Variants in HERC2 observed in about 807,000 individuals in gnomAD.
The protein encoded by HERC2 is HECT and RLD domain containing E3 ubiquitin protein ligase 2.
Under a neutral mutation model 537.7 loss-of-function variants are expected in HERC2, and 102 were observed. The ratio of observed to expected loss-of-function variants is 0.19; its 90% CI spans 0.16 to 0.22. The LOEUF is 0.22. HERC2 is among the 10% of genes least tolerant of loss of function. The pLI, the probability that HERC2 is intolerant of heterozygous loss-of-function variation, is 1.00. For synonymous variants in HERC2, 2,224 were observed against 2,466.2 expected, an observed-to-expected ratio of 0.90 and a Z score of 2.91; for missense variants, 4,236 against 6,198.2, an observed-to-expected ratio of 0.68 and a Z score of 10.63.
intron 35 of HERC2, among the ~76,000 whole-genome samples, chr15:28,224,287 T>A (rs1900869586): frequency 6.6e-6 from 1 of 151,830 alleles, no homozygotes; most frequent in Non-Finnish European, 1.5e-5. Flanking sequence ...AGTGGCTTTA[T>A]CTCCGCTCAC....
At chr15:28,293,854 T>C (rs1217935590) in intron 3 of HERC2, among the ~76,000 whole-genome samples, 1 of 152,198 alleles carries the variant, frequency 6.6e-6, no homozygotes, top group Non-Finnish European at 1.5e-5. Flanking sequence ...CCACTGACAA[T>C]GTCAAGTTTC....
At chr15:28,307,656 A>G (rs1035685161) in intron 2 of HERC2, among the ~76,000 whole-genome samples, 2 of 152,226 alleles carry the variant, frequency 1.3e-5, no homozygotes, top group African/African-American at 4.8e-5. Flanking sequence ...GGAGTTTCCA[A>G]AATTCCTCGT....
In HERC2 at chr15:28,269,221, T is replaced by G. The variant is rs368436331; in HGVS notation, c.1446+27A>C. ...CAGACCCTGCCCCGCAAGGGAACAC[T>G]GCAGGCACAGTGCCCAGAACACTCA... On this transcript the variant is annotated intron_variant, in intron 11 of 92. Transcript: ENST00000261609. 1.9e-6 allele frequency: 3 copies of G among 1,601,278 alleles called. No homozygotes were observed. In the African/African-American group the frequency reaches 4.0e-5, roughly 21 times the overall value.
At chr15:28,132,523 G>T in intron 80 of HERC2, 130 bp downstream of exon 80, 2 of 947,314 alleles carry the variant, frequency 2.1e-6, no homozygotes, top group Non-Finnish European at 2.9e-6. Context: ...TTCACTTCTT[G>T]CACCCAAAAA....
Position 28,168,316 on chromosome 15 carries a change from G to A in HERC2, c.10413+91C>T, listed in dbSNP as rs1331082281. 3.1e-6 allele frequency: 4 copies of A among 1,287,120 alleles called. No homozygotes were observed. In the Admixed American group the frequency reaches 6.2e-5, roughly 20 times the overall value. 79.7% of individuals were successfully genotyped at this position (1,287,120 alleles called of 1,614,324 possible). ...AATCTAAGCGGGAGGCACAGAAACA[G>A]CCTAAACTAAATGACACAATGAGAC... On this transcript the variant is annotated intron_variant, in intron 67 of 92. Transcript: ENST00000261609.
intron 3 of HERC2, among the ~76,000 whole-genome samples, chr15:28,297,458 T>A: frequency 6.6e-6 from 1 of 150,814 alleles, no homozygotes. Context: ...GACATTGACA[T>A]GGAAAAGAGA....
chr15:28,179,306 T>C, intron 57 of HERC2, 83 bp from the exon 58 acceptor site: 2 of 1,015,866 alleles, frequency 2.0e-6, no homozygotes, highest in Admixed American at 4.4e-5. Flanking sequence ...TATTATATGA[T>C]ACAAGGAATT....
chr15:28,246,246 T>A (rs1903700296), intron 22 of HERC2, among the ~76,000 whole-genome samples, 180 bp from the exon 23 acceptor site: 1 of 152,182 alleles, frequency 6.6e-6, no homozygotes, highest in South Asian at 2.1e-4. Context: ...AACAGAACCC[T>A]TTAAATTACA....
intron 10 of HERC2, among the ~76,000 whole-genome samples, chr15:28,269,681 T>C (rs2075665718): frequency 6.6e-6 from 1 of 152,222 alleles, no homozygotes; most frequent in Non-Finnish European, 1.5e-5. Flanking sequence ...AAAAGTACTA[T>C]AAATGGCCCT....
intron 86 of HERC2, chr15:28,117,556 C>T: frequency 2.0e-6 from 1 of 490,806 alleles, no homozygotes; most frequent in East Asian, 6.0e-5. Context: ...AATAAGACAC[C>T]AGGAACTCCA....
At chr15:28,165,416 A>G (rs1468443550) in intron 68 of HERC2, among the ~76,000 whole-genome samples, 1 of 152,230 alleles carries the variant, frequency 6.6e-6, no homozygotes, top group Admixed American at 6.5e-5. Context: ...GGTGAAAACT[A>G]GAATGAATCT....
At chr15:28,274,827 G>T in intron 6 of HERC2, 78 bp downstream of exon 6, 1 of 1,109,670 alleles carries the variant, frequency 9.0e-7, no homozygotes, top group Non-Finnish European at 1.4e-6. Flanking sequence ...AAGGGCACAT[G>T]GTGGCTGAAC....
At chr15:28,301,735 G>GTATA (rs55977156) in intron 2 of HERC2, among the ~76,000 whole-genome samples, 31 of 35,318 alleles carry the variant, frequency 8.8e-4, no homozygotes, top group South Asian at 4.2e-3. Flanking sequence ...GTATGTATGT[G>GTATA]TATATATATA....
intron 1 of HERC2, 124 bp downstream of exon 1, chr15:28,321,950 CG>C (rs1227770452): frequency 7.5e-6 from 1 of 132,576 alleles, no homozygotes; most frequent in Non-Finnish European, 1.6e-5. Context: ...GGCTGCCCCG[CG>C]GGTGGTCCGC....
chr15:28,252,221 C>T (rs1384527623), intron 20 of HERC2, among the ~76,000 whole-genome samples: 2 of 152,014 alleles, frequency 1.3e-5, no homozygotes, highest in Non-Finnish European at 2.9e-5. Context: ...GCCAGACGGG[C>T]CAGCGCAGGC....
chr15:28,225,904 G>C (rs1197508372), intron 35 of HERC2, among the ~76,000 whole-genome samples: 1 of 152,042 alleles, frequency 6.6e-6, no homozygotes, highest in East Asian at 1.9e-4. Flanking sequence ...AGAAGAAATA[G>C]AAAATCTGAA....
At chr15:28,237,576 G>C (rs906715873) in intron 25 of HERC2, among the ~76,000 whole-genome samples, 12 of 152,194 alleles carry the variant, frequency 7.9e-5, no homozygotes, top group African/African-American at 2.9e-4. Flanking sequence ...AAAAAAGTAA[G>C]AGTTCATCTT....
chr15:28,189,040 A>C (rs567403333), intron 55 of HERC2, among the ~76,000 whole-genome samples: 7 of 151,740 alleles, frequency 4.6e-5, no homozygotes, highest in African/African-American at 1.7e-4. Flanking sequence ...GTAAGCTGAG[A>C]TCTGCCACTG....
At chr15:28,150,730 G>A (rs1184728712) in intron 70 of HERC2, among the ~76,000 whole-genome samples, 3 of 148,548 alleles carry the variant, frequency 2.0e-5, no homozygotes, top group African/African-American at 2.5e-5. Context: ...CTAACTAACC[G>A]AGAACATCAC....
Sources: allele counts gnomAD v4.1 joint callset (sites outside exome capture counted in the v4.1 genomes callset), GRCh38; gene constraint gnomAD v4.1.1; transcripts MANE v1.5; gene names NCBI Gene and HGNC (gene_info 2026-07-23, HGNC 2026-07-21).